The following UGT1A9 variants were observed in gnomAD, a reference collection of about 807,000 sequenced individuals.
The protein encoded by UGT1A9 is UDP-glucuronosyltransferase 1A9.
A neutral mutation model predicts 45.0 loss-of-function variants in UGT1A9; 35 were observed. That is an observed-to-expected ratio of 0.78 (90% CI 0.59 to 1.03). UGT1A9 has a LOEUF of 1.03. Ranked by LOEUF, UGT1A9 falls within the 50% of genes least tolerant of loss-of-function variation. The pLI is 0.00. For synonymous variants in UGT1A9, 278 were observed against 250.6 expected (o/e 1.11, Z -1.03); for missense variants, 687 against 666.6 (o/e 1.03, Z -0.34).
At chr2:233,743,673 G>C (rs1692427758) in intron 1 of UGT1A9, 4 of 1,367,190 alleles carry the variant, frequency 2.9e-6, no homozygotes, top group Middle Eastern at 4.2e-4. Context: ...TCCTCGAAGG[G>C]CCTGCCGCCT....
chr2:233,766,377 A>G (rs1392093575), intron 1 of UGT1A9, among the ~76,000 whole-genome samples: 1 of 151,914 alleles, frequency 6.6e-6, no homozygotes. Flanking sequence ...AGTTCTTCTC[A>G]ATGTCCAGCT....
chr2:233,693,470 G>C, intron 1 of UGT1A9: 1 of 1,614,122 alleles, frequency 6.2e-7, no homozygotes, highest in Non-Finnish European at 8.5e-7. Flanking sequence ...CTTACCCTGT[G>C]GGGTGATCCT....
At chr2:233,724,343 C>A (rs2077229660) in intron 1 of UGT1A9, among the ~76,000 whole-genome samples, 1 of 142,888 alleles carries the variant, frequency 7.0e-6, no homozygotes, top group Admixed American at 6.9e-5. Context: ...GGGGCTGACC[C>A]CCCCCACCTC....
In UGT1A9 at chr2:233,672,329, A is replaced by C. The variant is rs1483594052; in HGVS notation, c.395A>C (p.Lys132Thr). The C allele has an allele frequency of 6.2e-7, 1 of 1,614,146 alleles. No homozygotes were observed. The highest frequency in any genetic ancestry group is 8.5e-7 in the Non-Finnish European group (1 of 1,180,018). ...TGCAGGAGTTTGTTTAAAGACAAAA[A>C]ATTAGTAGAATACTTAAAGGAGAGT... ...SNCRSLFKDK[K>T]LVEYLKESSF... The change falls in exon 1 of 5, where the codon AAA becomes ACA. Residue 132 changes from lysine to threonine, a missense_variant. Lys to Thr is a moderately conservative substitution (Grantham distance 78). Coordinates refer to ENST00000354728, the MANE Select transcript of UGT1A9 (RefSeq NM_021027.3).
chr2:233,719,883 T>G (rs871514), intron 1 of UGT1A9, among the ~76,000 whole-genome samples: 1 of 151,918 alleles, frequency 6.6e-6, no homozygotes, highest in Non-Finnish European at 1.5e-5. Context: ...GAGGCACGGA[T>G]GAGGGTCTGT....
At position 233,672,304 on chromosome 2, in the gene UGT1A9, T is replaced by C; in HGVS notation, c.370T>C (p.Cys124Arg). The change falls in exon 1 of 5, where the codon TGC becomes CGC. Residue 124 changes from cysteine (C) to arginine (R), a missense_variant. By Grantham distance (180) the Cys-to-Arg change is radical. Coordinates refer to ENST00000354728, the MANE Select transcript of UGT1A9 (RefSeq NM_021027.3). ...CATTTTTGACTTATTTTTTTCAAAT[T>C]GCAGGAGTTTGTTTAAAGACAAAAA... ...NDIFDLFFSN[C>R]RSLFKDKKLV... 2 of 1,614,024 alleles carry C rather than the reference T, an allele frequency of 1.2e-6. No homozygotes were observed. Among genetic ancestry groups the C allele is most frequent in the East Asian group, 4.5e-5 (2 of 44,890 alleles).
chr2:233,679,240 A>G (rs951456615), intron 1 of UGT1A9, among the ~76,000 whole-genome samples: 71 of 152,242 alleles, frequency 4.7e-4, no homozygotes, highest in Non-Finnish European at 7.9e-4. Flanking sequence ...CAATATCGAA[A>G]GAACTTTAAA....
intron 1 of UGT1A9, chr2:233,747,345 C>A (rs905208353): frequency 6.2e-7 from 1 of 1,602,546 alleles, no homozygotes; most frequent in South Asian, 1.1e-5. Flanking sequence ...GGCTCGCATG[C>A]GGGAGGCCGT....
At chr2:233,709,792 A>G (rs1262509274) in intron 1 of UGT1A9, among the ~76,000 whole-genome samples, 14 of 152,212 alleles carry the variant, frequency 9.2e-5, no homozygotes, top group Admixed American at 3.9e-4. Flanking sequence ...CACCGTTTTA[A>G]TGATACATTT....
chr2:233,761,081 C>A, intron 1 of UGT1A9: 2 of 1,614,180 alleles, frequency 1.2e-6, no homozygotes, highest in Non-Finnish European at 1.7e-6. Context: ...AAGGATTACC[C>A]TAGGCCCATC....
Position 233,750,958 on chromosome 2 carries a change from G to T in UGT1A9, c.856-16076G>T, listed in dbSNP as rs922419338. 9.9e-5 allele frequency among the ~76,000 whole-genome samples: 15 copies of T among 151,802 alleles called. 1 individual carries two copies. The highest frequency in any genetic ancestry group is 3.6e-4 in the African/African-American group (15 of 41,098). On this transcript the variant is annotated intron_variant, in intron 1 of 4. Transcript: ENST00000354728. ...GAGCCCCCACACAGAGTCTCCACTG[G>T]GGCACTGCCTAGTGGAGTTGTGAGA...
In UGT1A9 at chr2:233,772,530, A is replaced by G; in HGVS notation, c.1564A>G (p.Lys522Glu). The change falls in exon 5 of 5, where the codon AAG becomes GAG. Residue 522 changes from lysine (K) to glutamate (E), a missense_variant. By Grantham distance (56) the Lys-to-Glu change is moderately conservative (BLOSUM62 1). Transcript: ENST00000354728. ...ATGCTTGGGGAAAAAAGGGCGAGTT[A>G]AGAAAGCCCACAAATCCAAGACCCA... ...RKCLGKKGRVKKAHKSKTH is the reference protein window; with the variant it reads ...RKCLGKKGRVEKAHKSKTH 6.2e-7 allele frequency: 1 copy of G among 1,614,200 alleles called. No individual in the cohort carries two copies. The highest frequency in any genetic ancestry group is 2.2e-5 in the East Asian group (1 of 44,884).
At chr2:233,690,650 T>C (rs45615240) in intron 1 of UGT1A9, 519,472 of 1,284,986 alleles carry the variant, frequency 0.4, 106,277 homozygotes, top group South Asian at 0.45. Context: ...CCTTGACTCC[T>C]ACAGCACCAA....
chr2:233,757,798 G>T (rs1696723883), intron 1 of UGT1A9, among the ~76,000 whole-genome samples: 1 of 151,794 alleles, frequency 6.6e-6, no homozygotes, highest in Non-Finnish European at 1.5e-5. Flanking sequence ...TTGATGAAAG[G>T]AGATGAAAGG....
At chr2:233,704,101 G>A (rs965515464) in intron 1 of UGT1A9, among the ~76,000 whole-genome samples, 1 of 151,892 alleles carries the variant, frequency 6.6e-6, no homozygotes, top group African/African-American at 2.4e-5. Context: ...ATGTTGGTCA[G>A]TCTGGTCTCA....
intron 1 of UGT1A9, chr2:233,713,718 G>A: frequency 1.2e-6 from 2 of 1,613,904 alleles, no homozygotes; most frequent in Non-Finnish European, 1.7e-6. Flanking sequence ...TCAGAGAGAG[G>A]TGTCAGTGGT....
chr2:233,686,346 G>A (rs1485949049), intron 1 of UGT1A9, among the ~76,000 whole-genome samples: 1 of 151,914 alleles, frequency 6.6e-6, no homozygotes, highest in Non-Finnish European at 1.5e-5. Context: ...AAAAGCTTTT[G>A]TATATCAAAG....
intron 1 of UGT1A9, chr2:233,760,411 A>G (rs1575771994): frequency 6.2e-7 from 1 of 1,614,192 alleles, no homozygotes; most frequent in Non-Finnish European, 8.5e-7. Context: ...CCACTGGCTG[A>G]GCATGCTTGG....
chr2:233,765,712 T>A (rs1046504378), intron 1 of UGT1A9, among the ~76,000 whole-genome samples: 5 of 111,216 alleles, frequency 4.5e-5, no homozygotes, highest in Non-Finnish European at 8.4e-5. Context: ...TAATAATAAT[T>A]AATAATAATA....
Sources: allele counts gnomAD v4.1 joint callset (sites outside exome capture counted in the v4.1 genomes callset), GRCh38; gene constraint gnomAD v4.1.1; transcripts MANE v1.5; gene names NCBI Gene and HGNC (gene_info 2026-07-23, HGNC 2026-07-21).